The following DUOX2 variants were observed in gnomAD, a reference collection of about 807,000 sequenced individuals.
DUOX2 encodes the protein dual oxidase 2, also known as NADH/NADPH thyroid oxidase p138-tox.
DUOX2 carries 185 observed loss-of-function variants against 183.3 expected under a neutral mutation model. That is an observed-to-expected ratio of 1.01 (90% CI 0.90 to 1.14). The LOEUF (loss-of-function observed/expected upper bound fraction) is 1.14, where lower values mean the gene tolerates loss of function less well. Ranked by LOEUF, DUOX2 falls within the 50% of genes most tolerant of loss-of-function variation. The probability of loss-of-function intolerance (pLI) is 0.00; values close to 1 mark genes in which losing one functional copy is unlikely to be tolerated. For missense variants in DUOX2, 1,999 were observed against 2,022.9 expected, an observed-to-expected ratio of 0.99 and a Z score of 0.23; for synonymous variants, 788 against 812.4, an observed-to-expected ratio of 0.97 and a Z score of 0.51.
At chr15:45,101,025 G>C in intron 22 of DUOX2, 180 bp downstream of exon 22, 2 of 707,894 alleles carry the variant, frequency 2.8e-6, no homozygotes, top group South Asian at 3.2e-5. Flanking sequence ...AGCAGGGAGA[G>C]AGCCAAGCAT....
At chr15:45,109,679 C>G in intron 10 of DUOX2, 53 bp from the exon 11 acceptor site, 2 of 1,587,042 alleles carry the variant, frequency 1.3e-6, no homozygotes, top group Non-Finnish European at 8.7e-7. Flanking sequence ...CTCGGTCTCT[C>G]TCAGCCTGGA....
intron 26 of DUOX2, among the ~76,000 whole-genome samples, chr15:45,098,782 C>T (rs1201655301): frequency 6.6e-6 from 1 of 151,894 alleles, no homozygotes; most frequent in African/African-American, 2.4e-5. Context: ...TGGCTCACTG[C>T]AACCTAAAAC....
rs2141154513 is a variant in DUOX2 at position 45,108,826 on chromosome 15, C to T, written c.1361G>A (p.Arg454Lys). The change falls in exon 12 of 34, where the codon AGG becomes AAG. Residue 454 changes from arginine to lysine, a missense_variant. Arg to Lys is a conservative substitution (Grantham distance 26, BLOSUM62 2). Coordinates refer to ENST00000389039, the MANE Select transcript of DUOX2 (RefSeq NM_001363711.2). The stretch of plus-strand genomic sequence containing the variant: ...ATTAGGGTTGAGATCACTCCAGTTC[C>T]TTGGGATGTCCAGCCCAAAGGCCAG... ...ALLAFGLDIP[R>K]NWSDLNPNVD... 6.2e-7 allele frequency: 1 copy of T among 1,614,258 alleles called. No homozygotes were observed. Among genetic ancestry groups the T allele is most frequent in the Non-Finnish European group, 8.5e-7 (1 of 1,180,044 alleles).
chr15:45,105,523 G>T, intron 18 of DUOX2, 120 bp downstream of exon 18: 1 of 1,257,940 alleles, frequency 7.9e-7, no homozygotes, highest in Non-Finnish European at 1.2e-6. Flanking sequence ...TTCAAACAAG[G>T]CTATTTCTCT....
intron 25 of DUOX2, 55 bp downstream of exon 25, chr15:45,099,607 C>T (rs1894009366): frequency 4.4e-6 from 7 of 1,605,552 alleles, no homozygotes; most frequent in Non-Finnish European, 6.0e-6. Flanking sequence ...CACTGTTTCC[C>T]CCAACTAGAC....
chr15:45,108,700 G>T, intron 12 of DUOX2, 89 bp downstream of exon 12: 1 of 1,375,130 alleles, frequency 7.3e-7, no homozygotes, highest in Non-Finnish European at 1.0e-6. Flanking sequence ...TTATTATGTA[G>T]ATTAAATGAG....
intron 31 of DUOX2, 125 bp downstream of exon 31, chr15:45,095,312 G>A (rs1245747134): frequency 6.7e-7 from 1 of 1,492,290 alleles, no homozygotes; most frequent in East Asian, 2.3e-5. Context: ...TCAACCACTG[G>A]GTAAGAATGA....
At chr15:45,106,013 C>T in intron 17 of DUOX2, 112 bp downstream of exon 17, 1 of 1,429,150 alleles carries the variant, frequency 7.0e-7, no homozygotes, top group South Asian at 1.2e-5. Context: ...AGCCCCTCTC[C>T]CCAGCATCAG....
At chr15:45,109,859 CA>C in intron 10 of DUOX2, 30 bp downstream of exon 10, 3 of 1,600,944 alleles carry the variant, frequency 1.9e-6, no homozygotes, top group Non-Finnish European at 2.6e-6. Flanking sequence ...GACCTTGACC[CA>C]TCTTCCCCTG....
At position 45,099,397 on chromosome 15, in the gene DUOX2, G is replaced by C; in HGVS notation, c.3501C>G (p.Val1167=). 5 of 1,613,976 alleles carry C rather than the reference G, an allele frequency of 3.1e-6. No individual in the cohort carries two copies. The highest frequency in any genetic ancestry group is 4.2e-6 in the Non-Finnish European group (5 of 1,179,890). ...LSLLACIFPN[V]FVNDGSKLPQ... is the part of the protein sequence containing the mutation. The stretch of plus-strand genomic sequence containing the variant: ...CCAGAACTGACCCATCATTCACAAA[G>C]ACGTTGGGGAATATGCAGGCCAGCA... The change falls in exon 26 of 34, where the codon GTC becomes GTG. Residue 1167 remains valine, a synonymous_variant. Transcript: ENST00000389039.
intron 8 of DUOX2, 32 bp from the exon 9 acceptor site, chr15:45,110,556 C>T (rs1894355981): frequency 1.9e-6 from 3 of 1,613,976 alleles, no homozygotes; most frequent in Non-Finnish European, 2.5e-6. Context: ...GATGGGGAGA[C>T]AGGCTTCTTG....
rs549122152 is a variant in DUOX2 at position 45,097,912 on chromosome 15, A to G, written c.3565+97T>C. 7.8e-6 allele frequency: 12 copies of G among 1,544,654 alleles called. No homozygotes were observed. In the African/African-American group the frequency reaches 1.6e-4, roughly 21 times the overall value. ...GGGGCTTGTCCTGAAGGCTAGAAAC[A>G]GACCCCATGGCCAGTATAGACAAGT... On this transcript the variant is annotated intron_variant, in intron 27 of 33. Transcript: ENST00000389039.
intron 26 of DUOX2, chr15:45,099,146 G>A: frequency 2.4e-6 from 1 of 418,248 alleles, no homozygotes; most frequent in South Asian, 2.1e-5. Flanking sequence ...GAGTAGCTGG[G>A]ATTACAGGCG....
At position 45,101,248 on chromosome 15, in the gene DUOX2, T is replaced by C. The variant is rs1249131633; in HGVS notation, c.2878A>G (p.Ile960Val). Reference protein sequence around the residue: ...NGIRDIFKQNISCRVSFITRT... With the variant: ...NGIRDIFKQNVSCRVSFITRT... ...GTGATGAACGAGACTCGACAGCTGA[T>C]GTTTTGTTTAAAGATATCTCTAATA... Residue 960 changes from isoleucine to valine, a missense_variant, in exon 22 of 34, where the codon ATC becomes GTC. Transcript: ENST00000389039. 2.5e-6 allele frequency: 4 copies of C among 1,613,526 alleles called. No individual in the cohort carries two copies. In the African/African-American group the frequency reaches 4.0e-5, roughly 16 times the overall value.
chr15:45,102,161 A>G (rs1391533419), intron 20 of DUOX2, among the ~76,000 whole-genome samples, 172 bp from the exon 21 acceptor site: 1 of 152,230 alleles, frequency 6.6e-6, no homozygotes, highest in African/African-American at 2.4e-5. Context: ...TGGGGTAGCC[A>G]TGGACTCAAA....
chr15:45,111,265 T>G lies in DUOX2; in HGVS notation c.728A>C (p.Glu243Ala), dbSNP rs1482846066. The change falls in exon 7 of 34, where the codon GAG becomes GCG. Residue 243 changes from glutamate (E) to alanine (A), a missense_variant. Transcript: ENST00000389039. The part of the protein sequence containing the change: ...GPRGLYAFGA[E>A]RGNREPFLQA... ...CAGGAAGGGTTCCCGGTTCCCTCTC[T>G]CTGCCCCGAAGGCTGCATCCGACGT... 1.2e-5 allele frequency: 17 copies of G among 1,370,400 alleles called. No homozygotes were observed. The highest frequency in any genetic ancestry group is 1.7e-5 in the Non-Finnish European group (17 of 1,025,098). 84.9% of individuals were successfully genotyped at this position (1,370,400 alleles called of 1,614,324 possible).
chr15:45,107,989 G>A (rs1481528489), intron 13 of DUOX2, 58 bp downstream of exon 13: 2 of 1,607,038 alleles, frequency 1.2e-6, no homozygotes, highest in African/African-American at 2.7e-5. Flanking sequence ...AGGCTAGACA[G>A]AGGGTCTGGG....
Position 45,092,921 on chromosome 15 carries a change from G to C in DUOX2, c.*1229C>G, listed in dbSNP as rs1277845057. ...AAATCACATCAGTGGTTGCTTCTAG[G>C]AGCTAGGGGAGACGAAGTGGAAGGG... On this transcript the variant is annotated 3_prime_UTR_variant, in exon 34 of 34. Transcript: ENST00000389039. 1 of 152,198 alleles carries C rather than the reference G, an allele frequency of 6.6e-6. No homozygotes were observed. Among genetic ancestry groups the C allele is most frequent in the Non-Finnish European group, 1.5e-5 (1 of 68,044 alleles). The allele number at this position is 152,198 out of a possible 1,614,324, so 9.4% of individuals were successfully genotyped here. A position where few individuals can be genotyped will look rare whatever the true frequency, so the allele number is the denominator to read the frequency against.
At position 45,094,613 on chromosome 15, in the gene DUOX2, G is replaced by C. The variant is rs747720952; in HGVS notation, c.4474C>G (p.Arg1492Gly). The change falls in exon 33 of 34, where the codon CGT becomes GGT. Residue 1492 changes from arginine (R) to glycine (G), a missense_variant. Transcript: ENST00000389039. ...TGLRSITHFGRPPFEPFFNSL... is the reference protein window; with the variant it reads ...TGLRSITHFGGPPFEPFFNSL... The stretch of plus-strand genomic sequence containing the variant: ...TTGAAGAAGGGCTCGAAGGGGGGAC[G>C]GCCAAAGTGGGTGATGGAGCGCAGG... The C allele has an allele frequency of 1.2e-6, 2 of 1,614,086 alleles. No homozygotes were observed. Among genetic ancestry groups the C allele is most frequent in the African/African-American group, 1.3e-5 (1 of 75,042 alleles).
Sources: gnomAD v4.1 joint callset for allele counts (sites outside exome capture counted in the v4.1 genomes callset) on GRCh38, gnomAD v4.1.1 for gene constraint, MANE v1.5 for transcripts, NCBI Gene and HGNC (gene_info 2026-07-23, HGNC 2026-07-21) for gene names.